The following LYRM4 variants were observed in gnomAD, a reference collection of about 807,000 sequenced individuals.
The protein encoded by LYRM4 is LYR motif-containing protein 4.
In LYRM4, 9 loss-of-function variants were observed where a neutral mutation model predicts 11.7. The observed-to-expected ratio is 0.77, with a 90% CI of 0.46 to 1.34. The LOEUF (loss-of-function observed/expected upper bound fraction) is 1.34, where lower values mean the gene tolerates loss of function less well. Ranked by LOEUF, LYRM4 falls within the 40% of genes most tolerant of loss-of-function variation. LYRM4 has a pLI of 0.00. For synonymous variants in LYRM4, 42 were observed against 40.4 expected (o/e 1.04, Z -0.15); for missense variants, 133 against 112.5 (o/e 1.18, Z -0.82).
chr6:5,091,436 G>A, the LYRM4 span, among the ~76,000 whole-genome samples: 3 of 152,206 alleles, frequency 2.0e-5, no homozygotes, highest in Non-Finnish European at 2.9e-5. Context: ...AGAACGCAGC[G>A]GTCACTGATC....
At chr6:5,204,878 A>G (rs1185314973) in intron 2 of LYRM4, among the ~76,000 whole-genome samples, 1 of 152,202 alleles carries the variant, frequency 6.6e-6, no homozygotes, top group Non-Finnish European at 1.5e-5. Flanking sequence ...CACTTTGTCT[A>G]TTCGCAAAGA....
At chr6:5,224,885 C>T (rs1020116701) in intron 1 of LYRM4, among the ~76,000 whole-genome samples, 5 of 151,920 alleles carry the variant, frequency 3.3e-5, no homozygotes, top group African/African-American at 9.7e-5. Flanking sequence ...ACTTGAACCT[C>T]GGAGGCGAAG....
chr6:5,054,353 A>C, the LYRM4 span: 1 of 154,298 alleles, frequency 6.5e-6, no homozygotes, highest in Non-Finnish European at 1.5e-5. Flanking sequence ...AATTTACTCA[A>C]GATCCCAGAG....
chr6:5,118,094 A>ATATATATATATTTTTTTTTTT, intron 2 of LYRM4, among the ~76,000 whole-genome samples: 6 of 86,114 alleles, frequency 7.0e-5, no homozygotes, highest in Non-Finnish European at 1.2e-4. Context: ...ATATATATAT[A>ATATATATATATTTTTTTTTTT]TTTTTGTTTT....
At chr6:5,145,048 C>T (rs1342117504) in intron 2 of LYRM4, among the ~76,000 whole-genome samples, 1 of 152,230 alleles carries the variant, frequency 6.6e-6, no homozygotes, top group African/African-American at 2.4e-5. Context: ...CAGGCCCCAT[C>T]TCCAGGCCTG....
At chr6:5,225,662 A>T (rs934496751) in intron 1 of LYRM4, among the ~76,000 whole-genome samples, 10 of 152,262 alleles carry the variant, frequency 6.6e-5, no homozygotes, top group African/African-American at 2.2e-4. Context: ...ACAATGCTGT[A>T]ATCAGCATTC....
At chr6:5,151,624 G>A (rs1157356153) in intron 2 of LYRM4, among the ~76,000 whole-genome samples, 2 of 152,218 alleles carry the variant, frequency 1.3e-5, no homozygotes, top group Non-Finnish European at 2.9e-5. Flanking sequence ...TCAGGAGGCA[G>A]CATGTTCTAA....
At chr6:5,086,078 G>T in the LYRM4 span, 3 of 1,468,380 alleles carry the variant, frequency 2.0e-6, no homozygotes, top group Non-Finnish European at 2.7e-6. Context: ...TCCCGGCTCC[G>T]GCCGCTCTTC....
intron 2 of LYRM4, among the ~76,000 whole-genome samples, chr6:5,179,916 A>C (rs1759970694): frequency 6.6e-6 from 1 of 152,160 alleles, no homozygotes; most frequent in African/African-American, 2.4e-5. Flanking sequence ...GCTTATCAAT[A>C]ATTTCTTACT....
At chr6:5,106,749 A>G (rs1762675425), downstream of LYRM4, 2 of 152,224 alleles carry the variant, frequency 1.3e-5, no homozygotes, top group Admixed American at 6.5e-5. Flanking sequence ...CTGCCTGGGA[A>G]GTTAACTAAT....
At chr6:5,169,155 C>T (rs937188945) in intron 2 of LYRM4, among the ~76,000 whole-genome samples, 1 of 152,060 alleles carries the variant, frequency 6.6e-6, no homozygotes, top group Non-Finnish European at 1.5e-5. Flanking sequence ...CCAGAAACTC[C>T]TGGGCTCAAG....
chr6:5,098,724 C>A (rs1343096371), downstream of LYRM4, among the ~76,000 whole-genome samples: 1 of 152,224 alleles, frequency 6.6e-6, no homozygotes, highest in Admixed American at 6.5e-5. Flanking sequence ...TCTTACATCA[C>A]CCGAGGCACA....
downstream of LYRM4, chr6:5,102,913 G>A (rs460551): frequency 0.63 from 96,434 of 152,110 alleles, 31,441 homozygotes; most frequent in East Asian, 0.8. Context: ...ATAGTCCATT[G>A]ACCTCTGAGA....
chr6:5,032,318 A>G, the LYRM4 span: 2 of 152,248 alleles, frequency 1.3e-5, no homozygotes, highest in African/African-American at 2.4e-5. Context: ...GGGTCTGTGT[A>G]TACAAACTAG....
At chr6:5,179,057 CAAAAAAACAAAAA>C (rs1759903206) in intron 2 of LYRM4, among the ~76,000 whole-genome samples, 1 of 24,962 alleles carries the variant, frequency 4.0e-5, no homozygotes, top group African/African-American at 1.7e-4. Flanking sequence ...ACAAACAAAC[CAAAAAAACAAAAA>C]AAAAAAAAAA....
At chr6:5,120,765 A>G (rs944777641) in intron 2 of LYRM4, among the ~76,000 whole-genome samples, 4 of 152,236 alleles carry the variant, frequency 2.6e-5, no homozygotes, top group East Asian at 1.9e-4. Flanking sequence ...TTTACAGAGC[A>G]CTGATTGGTG....
chr6:5,147,727 C>T (rs1757805561), intron 2 of LYRM4, among the ~76,000 whole-genome samples: 1 of 152,214 alleles, frequency 6.6e-6, no homozygotes, highest in African/African-American at 2.4e-5. Context: ...GGTTCTCTCC[C>T]TACTGCCTAA....
At chr6:5,090,158 C>T in the LYRM4 span, among the ~76,000 whole-genome samples, 13 of 152,156 alleles carry the variant, frequency 8.5e-5, no homozygotes, top group African/African-American at 2.9e-4. This position sits in a 1 kb window ranked among gnomAD's most constrained non-coding sequence, Gnocchi z 4.8. Flanking sequence ...AACTTTAACA[C>T]GTTACCTAGC....
At chr6:5,206,602 A>G (rs960550347) in intron 2 of LYRM4, among the ~76,000 whole-genome samples, 1 of 152,226 alleles carries the variant, frequency 6.6e-6, no homozygotes, top group Non-Finnish European at 1.5e-5. Context: ...TGAGGACTTC[A>G]TGGTGATGCT....
Sources: allele counts gnomAD v4.1 joint callset (sites outside exome capture counted in the v4.1 genomes callset), GRCh38; gene constraint gnomAD v4.1.1; non-coding constraint Gnocchi (gnomAD v3.1); transcripts MANE v1.5; gene names NCBI Gene and HGNC (gene_info 2026-07-23, HGNC 2026-07-21).